The following LCLAT1 variants were observed in gnomAD, a reference collection of about 807,000 sequenced individuals.
The protein encoded by LCLAT1 is lysocardiolipin acyltransferase 1.
A neutral mutation model predicts 30.7 loss-of-function variants in LCLAT1; 11 were observed. The ratio of observed to expected loss-of-function variants is 0.36; its 90% confidence interval spans 0.23 to 0.59. The LOEUF is 0.59. Ranked by LOEUF, LCLAT1 falls within the 20% of genes least tolerant of loss-of-function variation. LCLAT1 has a pLI of 0.77. For synonymous variants in LCLAT1, 155 were observed against 151.3 expected (o/e 1.02, Z -0.18); for missense variants, 402 against 458.6 (o/e 0.88, Z 1.13).
rs184789792 is a variant in LCLAT1, at chr2:30,641,870, T to G, written c.*1251T>G. ...AAAAGAAAAGTGTTGTCATTTTCAC[T>G]CTGTTGGAGCTGCACACTTTTTTTT... On this transcript the variant is annotated 3_prime_UTR_variant, in exon 6 of 6. Transcript: ENST00000379509. The G allele has an allele frequency of 4.0e-5, 6 of 151,456 alleles. No individual in the cohort carries two copies. The East Asian group carries it at 1.2e-3, about 30-fold the overall frequency. The allele number at this position is 151,456 out of a possible 1,614,324, so 9.4% of individuals were successfully genotyped here. A position where few individuals can be genotyped will look rare whatever the true frequency, so the allele number is the denominator to read the frequency against.
chr2:30,460,715 A>G (rs549652815), intron 1 of LCLAT1, among the ~76,000 whole-genome samples: 10 of 152,230 alleles, frequency 6.6e-5, no homozygotes, highest in Non-Finnish European at 1.3e-4. Flanking sequence ...GGGCCCTTAG[A>G]TAGTTCAGGA....
At chr2:30,490,199 A>ATTTT (rs772695376) in intron 1 of LCLAT1, among the ~76,000 whole-genome samples, 2 of 121,442 alleles carry the variant, frequency 1.6e-5, no homozygotes, top group Non-Finnish European at 3.4e-5. Flanking sequence ...GGCTACTCTG[A>ATTTT]TTTTTTTTTT....
chr2:30,484,127 A>G (rs1304102643), intron 1 of LCLAT1, among the ~76,000 whole-genome samples: 4 of 152,188 alleles, frequency 2.6e-5, no homozygotes, highest in African/African-American at 9.6e-5. Context: ...ATTTTGGACC[A>G]AATATAGATG....
chr2:30,493,216 T>C (rs763650841), intron 1 of LCLAT1, among the ~76,000 whole-genome samples: 1 of 152,228 alleles, frequency 6.6e-6, no homozygotes, highest in East Asian at 1.9e-4. Flanking sequence ...GACTTTCTTA[T>C]TATTTAATGT....
intron 5 of LCLAT1, among the ~76,000 whole-genome samples, chr2:30,616,123 G>C (rs752341872): frequency 6.6e-6 from 1 of 152,176 alleles, no homozygotes; most frequent in African/African-American, 2.4e-5. Flanking sequence ...GTCACACCAT[G>C]TGCACAGCTG....
intron 1 of LCLAT1, among the ~76,000 whole-genome samples, chr2:30,472,140 G>T (rs915288988): frequency 2.0e-5 from 3 of 152,182 alleles, no homozygotes; most frequent in African/African-American, 7.2e-5. Flanking sequence ...TCTCAAAATT[G>T]AGAACAGAAG....
At chr2:30,491,212 A>G (rs1200517140) in intron 1 of LCLAT1, among the ~76,000 whole-genome samples, 1 of 152,220 alleles carries the variant, frequency 6.6e-6, no homozygotes, top group Non-Finnish European at 1.5e-5. Flanking sequence ...ACATCTGTAA[A>G]TATATTGGCC....
chr2:30,578,416 C>T (rs1354871163), intron 5 of LCLAT1, among the ~76,000 whole-genome samples: 2 of 152,058 alleles, frequency 1.3e-5, no homozygotes, highest in East Asian at 3.9e-4. Context: ...GGCATGTTAG[C>T]CAAGCTGAGG....
intron 5 of LCLAT1, among the ~76,000 whole-genome samples, chr2:30,575,036 T>A (rs1431952052): frequency 6.6e-6 from 1 of 152,184 alleles, no homozygotes; most frequent in Non-Finnish European, 1.5e-5. Context: ...TTGCTGTGAC[T>A]TCATGCCCTC....
chr2:30,509,003 C>T (rs1684811029), intron 1 of LCLAT1, among the ~76,000 whole-genome samples: 1 of 151,996 alleles, frequency 6.6e-6, no homozygotes, highest in African/African-American at 2.4e-5. Flanking sequence ...TAACTGTATT[C>T]CTAGTTATTT....
At chr2:30,456,296 C>G (rs1681830844) in intron 1 of LCLAT1, among the ~76,000 whole-genome samples, 1 of 152,188 alleles carries the variant, frequency 6.6e-6, no homozygotes, top group Non-Finnish European at 1.5e-5. Flanking sequence ...TCTGCTAGGC[C>G]TCCTCTGATA....
rs1032308884 is a variant in LCLAT1, at chr2:30,525,653, C to T, written c.63C>T (p.Ser21=). ...TGTTTTGGGGAAGCTTTTTTGGAAG[C>T]ATTTTCATGCTGAGTCCCTTTTTAC... ...LTLFWGSFFG[S]IFMLSPFLPL... is the part of the protein sequence containing the mutation. Residue 21 remains serine (S), a synonymous_variant, in exon 2 of 6, where the codon AGC becomes AGT. Transcript: ENST00000379509. The T allele has an allele frequency of 1.9e-6, 3 of 1,613,998 alleles. No homozygotes were observed. The highest frequency in any genetic ancestry group is 2.5e-6 in the Non-Finnish European group (3 of 1,179,866).
chr2:30,524,654 A>G (rs940578977), intron 1 of LCLAT1, among the ~76,000 whole-genome samples: 3 of 152,206 alleles, frequency 2.0e-5, no homozygotes, highest in Admixed American at 6.5e-5. Context: ...AATATATGCT[A>G]TGCTACCTGC....
intron 4 of LCLAT1, among the ~76,000 whole-genome samples, chr2:30,564,205 A>G (rs1404429292): frequency 6.6e-6 from 1 of 152,166 alleles, no homozygotes; most frequent in Non-Finnish European, 1.5e-5. Flanking sequence ...TTTGATATTG[A>G]AATATCAGCT....
At chr2:30,626,611 C>A (rs1310528179) in intron 5 of LCLAT1, among the ~76,000 whole-genome samples, 2 of 152,088 alleles carry the variant, frequency 1.3e-5, no homozygotes, top group Non-Finnish European at 2.9e-5. Context: ...CTAACTTCTG[C>A]ATTTATTTTT....
intron 1 of LCLAT1, among the ~76,000 whole-genome samples, chr2:30,460,034 C>T (rs191268829): frequency 3.2e-3 from 483 of 152,206 alleles, no homozygotes; most frequent in African/African-American, 0.011. Context: ...TGTTTAGAGT[C>T]GAAAATATTA....
At chr2:30,467,945 T>G (rs1159236375) in intron 1 of LCLAT1, among the ~76,000 whole-genome samples, 2 of 152,234 alleles carry the variant, frequency 1.3e-5, no homozygotes, top group Non-Finnish European at 2.9e-5. Flanking sequence ...TTAGTTTAAT[T>G]AGATCCCATT....
chr2:30,595,173 TC>T (rs2148482988), intron 5 of LCLAT1, among the ~76,000 whole-genome samples: 1 of 152,254 alleles, frequency 6.6e-6, no homozygotes, highest in East Asian at 1.9e-4. Flanking sequence ...AACTCTCCAG[TC>T]TCTTACCTCT....
intron 1 of LCLAT1, among the ~76,000 whole-genome samples, chr2:30,522,649 A>G (rs1008440893): frequency 2.0e-5 from 3 of 152,208 alleles, no homozygotes; most frequent in Non-Finnish European, 2.9e-5. Context: ...TTATTGAATC[A>G]TTGAAAATCA....
Sources: allele counts gnomAD v4.1 joint callset (sites outside exome capture counted in the v4.1 genomes callset), GRCh38; gene constraint gnomAD v4.1.1; transcripts MANE v1.5; gene names NCBI Gene and HGNC (gene_info 2026-07-23, HGNC 2026-07-21).